Variants in CBX2 observed in about 807,000 individuals in gnomAD.
The protein encoded by CBX2 is chromobox 2.
In CBX2, 11 loss-of-function variants were observed where a neutral mutation model predicts 21.0. The observed-to-expected ratio is 0.52, with a 90% CI of 0.33 to 0.87. The LOEUF (loss-of-function observed/expected upper bound fraction) is 0.87. Ranked by LOEUF, CBX2 falls within the 40% of genes least tolerant of loss-of-function variation. The pLI, the probability that CBX2 is intolerant of heterozygous loss-of-function variation, is 0.02. For synonymous variants in CBX2, 364 were observed against 304.6 expected, an observed-to-expected ratio of 1.19 and a Z score of -2.03; for missense variants, 746 against 724.3, an observed-to-expected ratio of 1.03 and a Z score of -0.34.
In CBX2 at chr17:79,785,073, C is replaced by T. The variant is rs371303159; in HGVS notation, c.*31C>T. The T allele has an allele frequency of 2.6e-6, 4 of 1,550,840 alleles. No individual in the cohort carries two copies. Among genetic ancestry groups the T allele is most frequent in the East Asian group, 2.2e-5 (1 of 44,582 alleles). On this transcript the variant is annotated 3_prime_UTR_variant, in exon 5 of 5. Coordinates refer to ENST00000310942, the MANE Select transcript of CBX2 (RefSeq NM_005189.3). ...CGGCGCCACCAGCTGCGCGGTCTTA[C>T]TCCCCTTCCCTGCCTATGGTGTCGC... is the stretch of plus-strand genomic sequence containing the variant.
rs374351738 is a variant in CBX2, at chr17:79,784,058, C to A, written c.615C>A (p.Ser205Arg). The A allele has an allele frequency of 5.6e-6, 9 of 1,612,540 alleles. No homozygotes were observed. Among genetic ancestry groups the A allele is most frequent in the Non-Finnish European group, 7.6e-6 (9 of 1,179,846 alleles). Residue 205 changes from serine (S) to arginine (R), a missense_variant, in exon 5 of 5, where the codon AGC (serine) becomes AGA (arginine). By Grantham distance (110) the Ser-to-Arg change is moderately radical. Transcript: ENST00000310942. This position sits in a 1 kb window ranked among gnomAD's most constrained non-coding sequence, Gnocchi z 5.9. ...CCAGCAAGCTGCCCCCTCCACTCAG[C>A]GCCCCCGTTGCAGGCCTGGCAGCTC... is the stretch of plus-strand genomic sequence containing the variant. ...APASKLPPPL[S>R]APVAGLAALK...
chr17:79,778,499 C>T lies in CBX2; in HGVS notation c.116+72C>T. 11 of 1,062,866 alleles carry T rather than the reference C, an allele frequency of 1.0e-5. No homozygotes were observed. Among genetic ancestry groups the T allele is most frequent in the Non-Finnish European group, 7.8e-6 (6 of 771,658 alleles). 65.8% of individuals were successfully genotyped at this position (1,062,866 alleles called of 1,614,324 possible). ...GGGTGGGGACGTGGAGCCCCTCGGC[C>T]GCGCCGTCCGGTGGCCTGGGGGCGC... On this transcript the variant is annotated intron_variant, in intron 2 of 4. Transcript: ENST00000310942. The surrounding 1 kb of genome is among the most constrained non-coding windows in gnomAD (Gnocchi z 4.8).
intron 3 of CBX2, chr17:79,779,746 C>G (rs984904799): frequency 5.1e-6 from 2 of 392,550 alleles, no homozygotes; most frequent in Non-Finnish European, 9.7e-6. Flanking sequence ...CTTCTCTTGG[C>G]CTTTTCTGCT....
At chr17:79,782,247 C>G (rs570099997) in intron 4 of CBX2, 3 of 1,575,504 alleles carry the variant, frequency 1.9e-6, no homozygotes, top group Non-Finnish European at 2.6e-6. Context: ...GAGGTGGCCA[C>G]GAAAGGCAGG....
At chr17:79,781,903 C>A in intron 4 of CBX2, 102 bp downstream of exon 4, 1 of 1,614,178 alleles carries the variant, frequency 6.2e-7, no homozygotes, top group Non-Finnish European at 8.5e-7. Flanking sequence ...GGGGGTGGCA[C>A]TTCTGCCAAC....
Position 79,781,726 on chromosome 17 carries a change from G to A in CBX2, c.213G>A (p.Lys71=). ...KEHEKEVQNR[K]RGKRPRGRPR... Reference sequence around the variant, plus strand: ...ATGAGAAGGAGGTGCAGAACCGGAAGAGAGGCAAGAGGCCGAGAGGCCGGC... The same window carrying A: ...ATGAGAAGGAGGTGCAGAACCGGAAAAGAGGCAAGAGGCCGAGAGGCCGGC... The change falls in exon 4 of 5, where the codon AAG becomes AAA. Residue 71 remains lysine, a synonymous_variant. Transcript: ENST00000310942. The A allele has an allele frequency of 6.2e-7, 1 of 1,614,088 alleles. No homozygotes were observed.
intron 4 of CBX2, among the ~76,000 whole-genome samples, chr17:79,782,819 T>C (rs1198756358): frequency 4.6e-5 from 7 of 152,114 alleles, no homozygotes; most frequent in Non-Finnish European, 1.0e-4. Flanking sequence ...CGGTGTTGGA[T>C]CTGACTCCTA....
rs1907434784 is a variant in CBX2 at position 79,784,036 on chromosome 17, G to A, written c.593G>A (p.Ser198Asn). The change falls in exon 5 of 5, where the codon AGC becomes AAC. Residue 198 changes from serine (S) to asparagine (N), a missense_variant. By Grantham distance (46) the Ser-to-Asn change is conservative. Around this residue, in one of 2 missense-constraint regions of CBX2, gnomAD observed 701 missense variants for 650.7 expected, o/e 1.08. Transcript: ENST00000310942. This position sits in a 1 kb window ranked among gnomAD's most constrained non-coding sequence, Gnocchi z 5.9. ...CGGAAGGATCTGGGGGCCCCGGCCA[G>A]CAAGCTGCCCCCTCCACTCAGCGCC... ...TARKDLGAPA[S>N]KLPPPLSAPV... 6.2e-7 allele frequency: 1 copy of A among 1,612,794 alleles called. No homozygotes were observed. Among genetic ancestry groups the A allele is most frequent in the Admixed American group, 1.7e-5 (1 of 60,002 alleles).
Position 79,784,428 on chromosome 17 carries a change from C to G in CBX2, c.985C>G (p.His329Asp). Residue 329 changes from histidine (H) to aspartate (D), a missense_variant, in exon 5 of 5, where the codon CAC becomes GAC. Transcript: ENST00000310942. This position sits in a 1 kb window ranked among gnomAD's most constrained non-coding sequence, Gnocchi z 5.9. Reference sequence around the variant, plus strand: ...AGTGGGGAACACAGGGGGCCCCCCGCACACCCATGGTGCCAGCAGGGTGCC... The same window carrying G: ...AGTGGGGAACACAGGGGGCCCCCCGGACACCCATGGTGCCAGCAGGGTGCC... Reference protein sequence around the residue: ...QKVGNTGGPPHTHGASRVPAG... With the variant: ...QKVGNTGGPPDTHGASRVPAG... 6.2e-7 allele frequency: 1 copy of G among 1,611,942 alleles called. No homozygotes were observed. Among genetic ancestry groups the G allele is most frequent in the Non-Finnish European group, 8.5e-7 (1 of 1,179,488 alleles).
rs1907563107 is a variant in CBX2 at position 79,785,356 on chromosome 17, C to T, written c.*314C>T. ...AGGTGACTGTCTTGAACAGAGCGGG[C>T]TTCTTCATGGCTGCGTTGTTGCTGA... On this transcript the variant is annotated 3_prime_UTR_variant, in exon 5 of 5. Coordinates refer to ENST00000310942, the MANE Select transcript of CBX2 (RefSeq NM_005189.3). 2.2e-6 allele frequency: 1 copy of T among 458,538 alleles called. No individual in the cohort carries two copies. Among genetic ancestry groups the T allele is most frequent in the East Asian group, 4.1e-5 (1 of 24,332 alleles). The allele number at this position is 458,538 out of a possible 1,614,324, so 28.4% of individuals were successfully genotyped here. A position where few individuals can be genotyped will look rare whatever the true frequency, so the allele number is the denominator to read the frequency against.
intron 3 of CBX2, 200 bp downstream of exon 3, chr17:79,779,627 G>C: frequency 4.9e-6 from 3 of 610,774 alleles, no homozygotes; most frequent in Non-Finnish European, 8.8e-6. Context: ...CTCCTAGCCA[G>C]CCTGTATCCA....
At chr17:79,781,922 CCTCTA>C in intron 4 of CBX2, 121 bp downstream of exon 4, 1 of 1,614,170 alleles carries the variant, frequency 6.2e-7, no homozygotes, top group South Asian at 1.1e-5. Flanking sequence ...ACAGTCTGTC[CCTCTA>C]CTCGGAAAAC....
chr17:79,778,208 G>T lies in CBX2; in HGVS notation c.-28G>T, dbSNP rs1466713705. The T allele has an allele frequency of 7.7e-7, 1 of 1,297,534 alleles. No homozygotes were observed. The highest frequency in any genetic ancestry group is 9.8e-7 in the Non-Finnish European group (1 of 1,022,354). The allele number at this position is 1,297,534 out of a possible 1,614,324, so 80.4% of individuals were successfully genotyped here. On this transcript the variant is annotated 5_prime_UTR_variant, in exon 1 of 5. Coordinates refer to ENST00000310942, the MANE Select transcript of CBX2 (RefSeq NM_005189.3). This position sits in a 1 kb window ranked among gnomAD's most constrained non-coding sequence, Gnocchi z 4.8. ...TCCGGGCGGGTGACTGGCGGCGGGC[G>T]CCGCGGTCGGGCTGGCTGCCGGGCA...
chr17:79,784,143 C>T lies in CBX2; in HGVS notation c.700C>T (p.Leu234=). The change falls in exon 5 of 5, where the codon CTG becomes TTG. Residue 234 remains leucine, a synonymous_variant. Coordinates refer to ENST00000310942, the MANE Select transcript of CBX2 (RefSeq NM_005189.3). This position sits in a 1 kb window ranked among gnomAD's most constrained non-coding sequence, Gnocchi z 5.9. ...CAGTGCCATGGCCACCCCAGAGAAC[C>T]TGGCCAGCCTAATGAAGGGCATGGC... ...GPSAMATPEN[L]ASLMKGMASS... is the part of the protein sequence containing the mutation. 3 of 1,612,424 alleles carry T rather than the reference C, an allele frequency of 1.9e-6. No homozygotes were observed. Among genetic ancestry groups the T allele is most frequent in the Non-Finnish European group, 2.5e-6 (3 of 1,179,764 alleles).
intron 4 of CBX2, chr17:79,782,293 T>A: frequency 6.5e-7 from 1 of 1,529,152 alleles, no homozygotes; most frequent in Non-Finnish European, 8.8e-7. Flanking sequence ...AGGAGGGGCC[T>A]TGGAGGAGGG....
rs150471517 is a variant in CBX2, at chr17:79,778,344, G to A, written c.72+37G>A. 46,200 of 1,573,864 alleles carry A rather than the reference G, an allele frequency of 0.029. 768 individuals are homozygous for A. The highest frequency in any genetic ancestry group is 0.042 in the Middle Eastern group (219 of 5,192). On this transcript the variant is annotated intron_variant, in intron 1 of 4. Transcript: ENST00000310942. This position sits in a 1 kb window ranked among gnomAD's most constrained non-coding sequence, Gnocchi z 4.8. ...CCGCCGGGCCCCCCGCCCGCCGCCC[G>A]CTGTCCGTCTGGCTCACGGCCCCTC...
Position 79,785,313 on chromosome 17 carries a change from G to A in CBX2, c.*271G>A, listed in dbSNP as rs1396820703. 9.2e-6 allele frequency: 5 copies of A among 545,552 alleles called. No homozygotes were observed. In the Admixed American group the frequency reaches 9.3e-5, roughly 10 times the overall value. 33.8% of individuals were successfully genotyped at this position (545,552 alleles called of 1,614,324 possible). A position where few individuals can be genotyped will look rare whatever the true frequency, so the allele number is the denominator to read the frequency against. On this transcript the variant is annotated 3_prime_UTR_variant, in exon 5 of 5. Coordinates refer to ENST00000310942, the MANE Select transcript of CBX2 (RefSeq NM_005189.3). ...TCTCCCCTCTTGCCTCAGGAAACCC[G>A]GTGGCACCTGTGGCTCCAGGTGACT...
rs1294581876 is a variant in CBX2 at position 79,778,846 on chromosome 17, G to A, written c.116+419G>A. ...GAAGGGAGGGTGTTTGGCATCCCCGGAAGGGGCTCTCTGCACAGCTGCTCC... is the reference window on the plus strand; with the variant it reads ...GAAGGGAGGGTGTTTGGCATCCCCGAAAGGGGCTCTCTGCACAGCTGCTCC... On this transcript the variant is annotated intron_variant, in intron 2 of 4. Transcript: ENST00000310942. This position sits in a 1 kb window ranked among gnomAD's most constrained non-coding sequence, Gnocchi z 4.8. 6.6e-6 allele frequency among the ~76,000 whole-genome samples: 1 copy of A among 152,116 alleles called. No homozygotes were observed. The highest frequency in any genetic ancestry group is 1.9e-4 in the East Asian group (1 of 5,180).
At position 79,786,152 on chromosome 17, in the gene CBX2, G is replaced by A. The variant is rs1555831800; in HGVS notation, c.*1110G>A. 6.6e-6 allele frequency: 1 copy of A among 152,662 alleles called. No homozygotes were observed. Among genetic ancestry groups the A allele is most frequent in the African/African-American group, 2.4e-5 (1 of 41,596 alleles). The allele number at this position is 152,662 out of a possible 1,614,324, so 9.5% of individuals were successfully genotyped here. A position where few individuals can be genotyped will look rare whatever the true frequency, so the allele number is the denominator to read the frequency against. ...GCCCACAGACTGCCCCGGAGACCTGGAGGACAGCAGTGCTGGCACTTGGGT... is the reference window on the plus strand; with the variant it reads ...GCCCACAGACTGCCCCGGAGACCTGAAGGACAGCAGTGCTGGCACTTGGGT... On this transcript the variant is annotated 3_prime_UTR_variant, in exon 5 of 5. Transcript: ENST00000310942.
Sources: allele counts gnomAD v4.1 joint callset (sites outside exome capture counted in the v4.1 genomes callset), GRCh38; gene constraint gnomAD v4.1.1; regional missense constraint gnomAD v4.1.1; non-coding constraint Gnocchi (gnomAD v3.1); transcripts MANE v1.5; gene names NCBI Gene and HGNC (gene_info 2026-07-23, HGNC 2026-07-21).